PDE4D: variants seen among roughly 807,000 people sequenced by gnomAD.
The protein encoded by PDE4D is 3',5'-cyclic-AMP phosphodiesterase 4D.
In PDE4D, 24 loss-of-function variants were observed where a neutral mutation model predicts 87.4. The ratio of observed to expected loss-of-function variants is 0.27; its 90% CI spans 0.20 to 0.39. The LOEUF (loss-of-function observed/expected upper bound fraction) is 0.39, where lower values mean the gene tolerates loss of function less well. Among genes scored for constraint, PDE4D ranks in the 10% least tolerant of loss-of-function variants. The pLI, the probability that PDE4D is intolerant of heterozygous loss-of-function variation, is 1.00. For missense variants in PDE4D, 714 were observed against 1,041.0 expected (o/e 0.69, Z 4.32); for synonymous variants, 384 against 383.2 (o/e 1.00, Z -0.02).
At chr5:59,939,537 A>G (rs1756953106) in intron 3 of PDE4D, among the ~76,000 whole-genome samples, 1 of 152,186 alleles carries the variant, frequency 6.6e-6, no homozygotes, top group Admixed American at 6.5e-5. Context: ...GAAAAAATAC[A>G]TCTGACCTCG....
intron 2 of PDE4D, among the ~76,000 whole-genome samples, chr5:60,029,679 C>G (rs1449305913): frequency 6.6e-6 from 1 of 152,154 alleles, no homozygotes; most frequent in Non-Finnish European, 1.5e-5. Context: ...AAGGTTCACA[C>G]CAGTAAGTAA....
chr5:59,600,333 T>C (rs1368688504), intron 1 of PDE4D, among the ~76,000 whole-genome samples: 1 of 152,182 alleles, frequency 6.6e-6, no homozygotes, highest in Non-Finnish European at 1.5e-5. Context: ...AAAGGGTGCA[T>C]TTTCTGCCTT....
chr5:60,376,992 A>G (rs1428806466), intron 1 of PDE4D, among the ~76,000 whole-genome samples: 7 of 152,182 alleles, frequency 4.6e-5, no homozygotes, highest in African/African-American at 1.4e-4. Context: ...TTATTCAGTC[A>G]ACACTGACTT....
At chr5:59,538,852 A>T (rs1307954697) in intron 1 of PDE4D, among the ~76,000 whole-genome samples, 4 of 152,096 alleles carry the variant, frequency 2.6e-5, no homozygotes, top group Non-Finnish European at 5.9e-5. Flanking sequence ...ACTCCACCAT[A>T]TGCACATTCA....
intron 1 of PDE4D, among the ~76,000 whole-genome samples, chr5:60,407,945 C>A (rs1222881461): frequency 6.6e-6 from 1 of 152,008 alleles, no homozygotes; most frequent in Non-Finnish European, 1.5e-5. Flanking sequence ...CGTGTGATTT[C>A]CAAGGTTGGA....
chr5:59,290,759 A>T (rs1195984581), intron 1 of PDE4D, among the ~76,000 whole-genome samples: 1 of 152,124 alleles, frequency 6.6e-6, no homozygotes, highest in Non-Finnish European at 1.5e-5. Flanking sequence ...CTGATTTAAA[A>T]ATAGGCAAAA....
chr5:60,246,562 TG>T (rs1747804660), intron 1 of PDE4D, among the ~76,000 whole-genome samples: 1 of 151,924 alleles, frequency 6.6e-6, no homozygotes, highest in Non-Finnish European at 1.5e-5. Flanking sequence ...ATATCTAATT[TG>T]TTTAACCTAT....
intron 1 of PDE4D, among the ~76,000 whole-genome samples, chr5:59,406,582 A>G (rs1975533): frequency 0.17 from 26,265 of 151,734 alleles, 3,062 homozygotes; most frequent in African/African-American, 0.32. Flanking sequence ...TAGAGATGGG[A>G]TTTCACCGTA....
intron 2 of PDE4D, among the ~76,000 whole-genome samples, chr5:59,204,177 C>T (rs1368491465): frequency 4.1e-5 from 6 of 147,030 alleles, no homozygotes; most frequent in Non-Finnish European, 7.4e-5. Flanking sequence ...AATTAGAGCC[C>T]GGCCCCATCT....
rs1366056826 is a variant in PDE4D, at chr5:59,690,379, T to C, written c.455+202789A>G. On this transcript the variant is annotated intron_variant, in intron 1 of 14. Transcript: ENST00000340635. ...CTGGTACCAAAACAGAGATATAGAC[T>C]AATGGAACAGAATAGAGCCCTCAGA... Among the ~76,000 whole-genome samples the C allele has an allele frequency of 3.3e-5, 5 of 152,106 alleles. No individual in the cohort carries two copies. In the South Asian group the frequency reaches 6.2e-4, roughly 19 times the overall value.
chr5:59,434,377 A>G (rs920973489), intron 1 of PDE4D, among the ~76,000 whole-genome samples: 1 of 151,218 alleles, frequency 6.6e-6, no homozygotes, highest in African/African-American at 2.4e-5. Context: ...TGACTGAACG[A>G]TTTCCCCTGG....
At chr5:60,022,092 T>C (rs1766126863) in intron 2 of PDE4D, among the ~76,000 whole-genome samples, 1 of 152,158 alleles carries the variant, frequency 6.6e-6, no homozygotes, top group African/African-American at 2.4e-5. Flanking sequence ...ATGGCTGCTG[T>C]ATTACTGGCT....
At chr5:60,499,318 A>G (rs1749959733) in intron 1 of PDE4D, among the ~76,000 whole-genome samples, 1 of 152,214 alleles carries the variant, frequency 6.6e-6, no homozygotes, top group South Asian at 2.1e-4. Flanking sequence ...CTCTTTATAT[A>G]TAAGGAAACA....
chr5:60,407,156 G>A (rs970930910), intron 1 of PDE4D, among the ~76,000 whole-genome samples: 2 of 152,128 alleles, frequency 1.3e-5, no homozygotes, highest in African/African-American at 4.8e-5. Flanking sequence ...CAAGAGGGTC[G>A]TTGAGTACCT....
chr5:59,162,971 TCTTG>T (rs1218549255), intron 5 of PDE4D, among the ~76,000 whole-genome samples: 5 of 151,330 alleles, frequency 3.3e-5, no homozygotes, highest in African/African-American at 4.9e-5. Flanking sequence ...CGAGGCAGAG[TCTTG>T]CTCTGTCACC....
chr5:60,236,559 G>C lies in PDE4D; in HGVS notation c.-89-50872C>G, dbSNP rs557514675. ...TAAAAATGTCTACACCCAATCCTCA[G>C]AACCAGTTATTCTGGCATGGCAAAG... is the stretch of plus-strand genomic sequence containing the variant. On this transcript the variant is annotated intron_variant, in intron 1 of 16. Transcript: ENST00000502484. 6.6e-5 allele frequency among the ~76,000 whole-genome samples: 10 copies of C among 152,008 alleles called. No homozygotes were observed. The East Asian group carries it at 1.9e-3, about 29-fold the overall frequency.
At chr5:59,744,225 G>A (rs1759278752) in intron 1 of PDE4D, among the ~76,000 whole-genome samples, 1 of 151,314 alleles carries the variant, frequency 6.6e-6, no homozygotes, top group African/African-American at 2.4e-5. Context: ...ATTCATAATG[G>A]AGGAATCTTA....
chr5:59,973,259 T>C (rs1760971625), intron 3 of PDE4D, among the ~76,000 whole-genome samples: 2 of 152,194 alleles, frequency 1.3e-5, no homozygotes, highest in Non-Finnish European at 1.5e-5. Flanking sequence ...TAGAAATCAA[T>C]GTGAGAAAAA....
intron 1 of PDE4D, among the ~76,000 whole-genome samples, chr5:59,389,219 T>C (rs986661369): frequency 3.9e-5 from 6 of 152,086 alleles, no homozygotes; most frequent in Admixed American, 6.6e-5. Flanking sequence ...GTCTCCTTTT[T>C]CATTAACAGT....
Sources: allele counts gnomAD v4.1 joint callset (sites outside exome capture counted in the v4.1 genomes callset), GRCh38; gene constraint gnomAD v4.1.1; transcripts MANE v1.5; gene names NCBI Gene and HGNC (gene_info 2026-07-23, HGNC 2026-07-21).